The following ADGRG4 variants were observed in gnomAD, a reference collection of about 807,000 sequenced individuals.
ADGRG4 encodes G protein-coupled receptor 112.
A neutral mutation model predicts 126.2 loss-of-function variants in ADGRG4; 122 were observed. The observed-to-expected ratio is 0.97, with a 90% CI of 0.83 to 1.12. The LOEUF (loss-of-function observed/expected upper bound fraction) is 1.12. ADGRG4 is among the 50% of genes most tolerant of loss of function. The pLI is 0.00. For synonymous variants in ADGRG4, 943 were observed against 838.7 expected (o/e 1.12, Z -2.15); for missense variants, 2,481 against 2,251.8 (o/e 1.10, Z -2.06).
rs746563485 is a variant in ADGRG4, at chrX:136,371,552, C to T, written c.7613+8C>T. On this transcript the variant is annotated splice_region_variant and intron_variant, in intron 14 of 25. Transcript: ENST00000394143. ...GCATGAAATAAGCAATGAGTAAGTACTAATACTTTGGTGAAAGACATTATT... is the reference window on the plus strand; with the variant it reads ...GCATGAAATAAGCAATGAGTAAGTATTAATACTTTGGTGAAAGACATTATT... 2.8e-6 allele frequency: 3 copies of T among 1,058,236 alleles called. No homozygotes were observed. In the South Asian group the frequency reaches 7.5e-5, roughly 26 times the overall value. The allele number at this position is 1,058,236 out of a possible 1,213,427, so 87.2% of individuals were successfully genotyped here.
At chrX:136,357,305 G>A (rs2075100609) in intron 9 of ADGRG4, among the ~76,000 whole-genome samples, 1 of 111,731 alleles carries the variant, frequency 9.0e-6, no homozygotes, top group African/African-American at 3.3e-5. Flanking sequence ...GATAAAATGA[G>A]ATCATCTATG....
At chrX:136,416,329 A>C in intron 25 of ADGRG4, 125 bp from the exon 26 acceptor site, 5 of 474,917 alleles carry the variant, frequency 1.1e-5, no homozygotes, top group Middle Eastern at 3.6e-4. Context: ...AGAAAGCACC[A>C]TATCCTTCCC....
intron 16 of ADGRG4, among the ~76,000 whole-genome samples, chrX:136,389,201 A>G (rs2075306835): frequency 8.9e-6 from 1 of 111,811 alleles, no homozygotes; most frequent in Non-Finnish European, 1.9e-5. Flanking sequence ...GCCTGGAGTA[A>G]GTGAGTCTCT....
At chrX:136,378,427 T>A (rs1293614490) in intron 15 of ADGRG4, among the ~76,000 whole-genome samples, 1 of 111,571 alleles carries the variant, frequency 9.0e-6, no homozygotes, top group Non-Finnish European at 1.9e-5. Context: ...GCCAACATCA[T>A]GTGACAATAG....
chrX:136,329,183 G>T (rs2074893263), intron 5 of ADGRG4, among the ~76,000 whole-genome samples: 1 of 111,569 alleles, frequency 9.0e-6, no homozygotes, highest in Non-Finnish European at 1.9e-5. Context: ...ATTTATAGAG[G>T]TCCTGACTGA....
chrX:136,386,186 G>A (rs765633963), intron 15 of ADGRG4, among the ~76,000 whole-genome samples: 2 of 112,119 alleles, frequency 1.8e-5, no homozygotes, highest in Non-Finnish European at 3.8e-5. Context: ...CCTTCAAGTC[G>A]TTGTTACTTT....
chrX:136,379,416 T>C (rs1333870418), intron 15 of ADGRG4, among the ~76,000 whole-genome samples: 1 of 109,709 alleles, frequency 9.1e-6, no homozygotes, highest in Non-Finnish European at 1.9e-5. Flanking sequence ...TTTGTTTTTG[T>C]TCTGCTCTCC....
chrX:136,410,660 T>C (rs2075441033), intron 23 of ADGRG4, among the ~76,000 whole-genome samples: 1 of 112,024 alleles, frequency 8.9e-6, no homozygotes, highest in South Asian at 3.7e-4. Flanking sequence ...ATGTTGTAGA[T>C]GGATGTGCGA....
rs777949423 is a variant in ADGRG4 at position 136,347,448 on chromosome X, G to C, written c.3742G>C (p.Val1248Leu). The change falls in exon 6 of 26, where the codon GTG becomes CTG. Residue 1248 changes from valine to leucine, a missense_variant. Coordinates refer to ENST00000394143, the MANE Select transcript of ADGRG4 (RefSeq NM_153834.4). ...RVHTPVSIQL[V>L]TSTSVLSSDK... ...ACACACACCAGTGTCCATCCAGTTG[G>C]TGACTAGCACCTCTGTCTTATCTTC... The C allele has an allele frequency of 2.0e-5, 24 of 1,206,689 alleles. No individual in the cohort carries two copies. The South Asian group carries it at 3.9e-4, about 20-fold the overall frequency.
chrX:136,339,741 A>G (rs1277197654), intron 5 of ADGRG4, among the ~76,000 whole-genome samples: 1 of 112,241 alleles, frequency 8.9e-6, no homozygotes, highest in African/African-American at 3.2e-5. Context: ...GTTGTCTCTT[A>G]CACCATTTCC....
intron 13 of ADGRG4, among the ~76,000 whole-genome samples, chrX:136,368,919 G>A (rs1292855137): frequency 8.9e-6 from 1 of 112,389 alleles, no homozygotes; most frequent in Non-Finnish European, 1.9e-5. Flanking sequence ...GCTGGTAAAA[G>A]TTGGCTCCAG....
chrX:136,373,609 C>T lies in ADGRG4; in HGVS notation c.7776+545C>T, dbSNP rs375555446. Among the ~76,000 whole-genome samples the T allele has an allele frequency of 9.9e-5, 11 of 111,386 alleles. No homozygotes were observed. In the East Asian group the frequency reaches 2.5e-3, roughly 26 times the overall value. On this transcript the variant is annotated intron_variant, in intron 15 of 25. Transcript: ENST00000394143. ...GTACATATAAGAAAATGCACAAATC[C>T]TAAGTATACACCCTCTGAATTTTGA...
intron 13 of ADGRG4, among the ~76,000 whole-genome samples, chrX:136,367,377 G>T (rs2075165763): frequency 8.9e-6 from 1 of 112,642 alleles, no homozygotes; most frequent in East Asian, 2.8e-4. Flanking sequence ...GTTACAGCTT[G>T]AAGTGAGTGG....
chrX:136,383,871 TTTC>T (rs1210631976), intron 15 of ADGRG4, among the ~76,000 whole-genome samples: 61 of 99,093 alleles, frequency 6.2e-4, no homozygotes, highest in East Asian at 5.3e-3. Flanking sequence ...TCTTTCTTTC[TTTC>T]TTCTTTCTTC....
At chrX:136,328,252 T>C (rs893932588) in intron 5 of ADGRG4, among the ~76,000 whole-genome samples, 2 of 111,724 alleles carry the variant, frequency 1.8e-5, no homozygotes, top group Admixed American at 9.5e-5. Context: ...TGAAGGACTT[T>C]GAAGTTGTTT....
chrX:136,367,529 G>C (rs1158772417), intron 13 of ADGRG4, among the ~76,000 whole-genome samples: 4 of 111,871 alleles, frequency 3.6e-5, no homozygotes, highest in Non-Finnish European at 7.5e-5. Flanking sequence ...CACTGCACTG[G>C]GTTGGGATTT....
At chrX:136,380,852 C>G (rs1166131117) in intron 15 of ADGRG4, among the ~76,000 whole-genome samples, 1 of 108,546 alleles carries the variant, frequency 9.2e-6, no homozygotes, top group Non-Finnish European at 1.9e-5. Context: ...GCTGGGACTA[C>G]AGGCACGTAC....
At chrX:136,342,941 G>A (rs2074989016) in intron 5 of ADGRG4, among the ~76,000 whole-genome samples, 1 of 95,721 alleles carries the variant, frequency 1.0e-5, no homozygotes, top group African/African-American at 3.9e-5. Flanking sequence ...AGAGGAAGGG[G>A]ATCAGATTGG....
chrX:136,345,941 C>T lies in ADGRG4; in HGVS notation c.2235C>T (p.Thr745=). The T allele has an allele frequency of 8.3e-7, 1 of 1,210,260 alleles. No individual in the cohort carries two copies. The highest frequency in any genetic ancestry group is 1.1e-6 in the Non-Finnish European group (1 of 894,317). Residue 745 remains threonine, a synonymous_variant, in exon 6 of 26, where the codon ACC becomes ACT. Coordinates refer to ENST00000394143, the MANE Select transcript of ADGRG4 (RefSeq NM_153834.4). The part of the protein sequence containing the change: ...WFANFSIVSG[T]TSITNMPEFK... ...CTAATTTCTCCATAGTTTCTGGAAC[C>T]ACATCCATAACCAATATGCCTGAAT...
Sources: allele counts gnomAD v4.1 joint callset (sites outside exome capture counted in the v4.1 genomes callset), GRCh38; gene constraint gnomAD v4.1.1; transcripts MANE v1.5; gene names NCBI Gene and HGNC (gene_info 2026-07-23, HGNC 2026-07-21).